The following NRG1 variants were observed in gnomAD, a reference collection of about 807,000 sequenced individuals.
NRG1 encodes the protein neuregulin 1.
Under a neutral mutation model 63.8 loss-of-function variants are expected in NRG1, and 18 were observed. That is an observed-to-expected ratio of 0.28 (90% confidence interval 0.19 to 0.42). The LOEUF is 0.42. Ranked by LOEUF, NRG1 falls within the 10% of genes least tolerant of loss-of-function variation. The pLI is 1.00. For synonymous variants in NRG1, 302 were observed against 301.3 expected, an observed-to-expected ratio of 1.00 and a Z score of -0.02; for missense variants, 762 against 814.7, an observed-to-expected ratio of 0.94 and a Z score of 0.79.
At chr8:32,607,836 C>A (rs1251823451) in intron 3 of NRG1, among the ~76,000 whole-genome samples, 14 of 152,016 alleles carry the variant, frequency 9.2e-5, no homozygotes, top group African/African-American at 3.1e-4. Context: ...TCTTAAACAA[C>A]CAACAAAAAT....
intron 1 of NRG1, among the ~76,000 whole-genome samples, chr8:32,594,062 A>G (rs2129536920): frequency 6.6e-6 from 1 of 152,116 alleles, no homozygotes; most frequent in South Asian, 2.1e-4. Context: ...CATTCAAATG[A>G]TTTTTTTCTG....
At chr8:31,932,230 A>G (rs1162456164) in intron 1 of NRG1, among the ~76,000 whole-genome samples, 1 of 152,192 alleles carries the variant, frequency 6.6e-6, no homozygotes, top group East Asian at 1.9e-4. Context: ...TGCTTCGTAA[A>G]TAATGGCATA....
chr8:32,769,467 G>C (rs1831645006), downstream of NRG1, among the ~76,000 whole-genome samples: 1 of 152,136 alleles, frequency 6.6e-6, no homozygotes, highest in Non-Finnish European at 1.5e-5. Context: ...CCAATCATTA[G>C]ATTTCTTTTC....
At chr8:32,311,031 A>G (rs1856753959) in intron 1 of NRG1, among the ~76,000 whole-genome samples, 1 of 152,136 alleles carries the variant, frequency 6.6e-6, no homozygotes, top group South Asian at 2.1e-4. Context: ...TTCCATGTTC[A>G]TAGATCACCC....
chr8:32,186,598 G>T (rs765503747), intron 1 of NRG1, among the ~76,000 whole-genome samples: 1 of 152,162 alleles, frequency 6.6e-6, no homozygotes, highest in Non-Finnish European at 1.5e-5. Context: ...CTGGAGATGT[G>T]GAGATGCAGA....
At chr8:31,843,380 C>T (rs572587970) in intron 1 of NRG1, among the ~76,000 whole-genome samples, 22 of 152,238 alleles carry the variant, frequency 1.4e-4, no homozygotes, top group Non-Finnish European at 1.6e-4. Context: ...TGTCACTAAA[C>T]GTCATGTGGC....
intron 1 of NRG1, chr8:32,136,630 A>G (rs935150386): frequency 2.0e-5 from 3 of 152,172 alleles, no homozygotes; most frequent in African/African-American, 7.2e-5. Flanking sequence ...TAGATATTTA[A>G]TAAGAATGCC....
intron 1 of NRG1, among the ~76,000 whole-genome samples, chr8:31,983,063 C>T (rs564618917): frequency 6.6e-6 from 1 of 152,242 alleles, no homozygotes; most frequent in African/African-American, 2.4e-5. Context: ...TGAATAATAT[C>T]ATACCTTTTT....
chr8:31,960,687 A>C (rs1178201196), intron 1 of NRG1, among the ~76,000 whole-genome samples: 1 of 152,210 alleles, frequency 6.6e-6, no homozygotes, highest in Non-Finnish European at 1.5e-5. Flanking sequence ...TAAAGCTTAG[A>C]GTGCTAAACT....
chr8:32,120,896 G>C (rs1833360300), intron 1 of NRG1, among the ~76,000 whole-genome samples: 1 of 151,980 alleles, frequency 6.6e-6, no homozygotes, highest in African/African-American at 2.4e-5. Context: ...TTCTCAAATA[G>C]GGCATGGTAT....
intron 1 of NRG1, among the ~76,000 whole-genome samples, chr8:31,689,384 C>T (rs1033126724): frequency 1.3e-5 from 2 of 152,094 alleles, no homozygotes; most frequent in African/African-American, 2.4e-5. Flanking sequence ...GAGAAACATC[C>T]GTGGGTAAAC....
rs550206155 is a variant in NRG1 at position 31,695,522 on chromosome 8, A to C, written c.37+56091A>C. Among the ~76,000 whole-genome samples the C allele has an allele frequency of 1.1e-4, 17 of 152,282 alleles. No homozygotes were observed. In the South Asian group the frequency reaches 1.5e-3, roughly 13 times the overall value. On this transcript the variant is annotated intron_variant, in intron 1 of 10. Transcript: ENST00000519301. ...CAGATCTCATGAGAACTCACTCACT[A>C]TCACAAGAACAACAAGGGGGAAATC...
At chr8:31,985,279 T>C (rs1277303129) in intron 1 of NRG1, among the ~76,000 whole-genome samples, 2 of 152,110 alleles carry the variant, frequency 1.3e-5, no homozygotes, top group Non-Finnish European at 2.9e-5. Flanking sequence ...TCTAGTTCTA[T>C]GTTTGATTTC....
intron 5 of NRG1, among the ~76,000 whole-genome samples, chr8:32,640,243 T>G (rs1852080940): frequency 9.7e-6 from 1 of 103,004 alleles, no homozygotes; most frequent in South Asian, 2.8e-4. Context: ...TTCTTCTTTT[T>G]GTCACACACA....
At chr8:31,922,815 A>T (rs1834023054) in intron 1 of NRG1, among the ~76,000 whole-genome samples, 1 of 152,178 alleles carries the variant, frequency 6.6e-6, no homozygotes, top group Admixed American at 6.6e-5. Flanking sequence ...GTGTTGGAAG[A>T]TGTGAAGGTG....
intron 1 of NRG1, among the ~76,000 whole-genome samples, chr8:32,278,735 T>C (rs1852376683): frequency 6.6e-6 from 1 of 152,164 alleles, no homozygotes; most frequent in African/African-American, 2.4e-5. Flanking sequence ...TACTCATCAC[T>C]CTGGGTAGAC....
intron 1 of NRG1, among the ~76,000 whole-genome samples, chr8:32,462,531 A>G (rs1262410402): frequency 1.3e-5 from 2 of 151,384 alleles, no homozygotes; most frequent in East Asian, 1.9e-4. Context: ...GATTTTGAAT[A>G]TACAATACAA....
chr8:32,262,437 C>T (rs994653573), intron 1 of NRG1, among the ~76,000 whole-genome samples: 2 of 152,132 alleles, frequency 1.3e-5, no homozygotes, highest in Admixed American at 6.6e-5. Context: ...CAGGATTCTC[C>T]GTAAAGTACT....
chr8:32,129,213 A>G (rs1360094746), intron 1 of NRG1, among the ~76,000 whole-genome samples: 1 of 151,966 alleles, frequency 6.6e-6, no homozygotes, highest in Admixed American at 6.6e-5. Flanking sequence ...ATTAGATGGC[A>G]TATTCATTTC....
Sources: allele counts gnomAD v4.1 joint callset (sites outside exome capture counted in the v4.1 genomes callset), GRCh38; gene constraint gnomAD v4.1.1; transcripts MANE v1.5; gene names NCBI Gene and HGNC (gene_info 2026-07-23, HGNC 2026-07-21).